HERC2: variants seen among roughly 807,000 people sequenced by gnomAD.
The protein encoded by HERC2 is HECT and RLD domain containing E3 ubiquitin protein ligase 2.
HERC2 carries 102 observed loss-of-function variants against 537.7 expected under a neutral mutation model. That is an observed-to-expected ratio of 0.19 (90% CI 0.16 to 0.22). The LOEUF (loss-of-function observed/expected upper bound fraction) is 0.22. Ranked by LOEUF, HERC2 falls within the 10% of genes least tolerant of loss-of-function variation. The probability of loss-of-function intolerance (pLI) is 1.00; values close to 1 mark genes in which losing one functional copy is unlikely to be tolerated. For synonymous variants in HERC2, 2,224 were observed against 2,466.2 expected (o/e 0.90, Z 2.91); for missense variants, 4,236 against 6,198.2 (o/e 0.68, Z 10.63).
At chr15:28,183,663 T>A (rs1012435341) in intron 56 of HERC2, among the ~76,000 whole-genome samples, 4 of 152,238 alleles carry the variant, frequency 2.6e-5, no homozygotes, top group African/African-American at 9.6e-5. Context: ...CACCTTTGTG[T>A]TTGCTTTTGC....
chr15:28,226,530 T>TA (rs1467037540), intron 35 of HERC2, among the ~76,000 whole-genome samples: 1 of 152,180 alleles, frequency 6.6e-6, no homozygotes, highest in Non-Finnish European at 1.5e-5. Flanking sequence ...CAACAAGTGG[T>TA]ATTGAAACAA....
rs569661482 is a variant in HERC2, at chr15:28,113,343, C to T, written c.14020-60G>A. The T allele has an allele frequency of 2.8e-5, 43 of 1,515,326 alleles. No homozygotes were observed. In the East Asian group the frequency reaches 6.9e-4, roughly 24 times the overall value. The allele number at this position is 1,515,326 out of a possible 1,614,324, so 93.9% of individuals were successfully genotyped here. ...TTCCCACCCTGGCATTTCCGCAAGA[C>T]TCCGTCACGCTCCCTCTCTACACCA... On this transcript the variant is annotated intron_variant, in intron 91 of 92. Transcript: ENST00000261609. The surrounding 1 kb of genome is among the most constrained non-coding windows in gnomAD (Gnocchi z 7.0).
At chr15:28,289,324 C>A (rs2076247669) in intron 4 of HERC2, among the ~76,000 whole-genome samples, 1 of 152,016 alleles carries the variant, frequency 6.6e-6, no homozygotes, top group Admixed American at 6.5e-5. Flanking sequence ...GGTGACTTCA[C>A]AACAAAGAAT....
At chr15:28,134,463 T>C (rs1890411263) in intron 79 of HERC2, among the ~76,000 whole-genome samples, 1 of 152,228 alleles carries the variant, frequency 6.6e-6, no homozygotes, top group South Asian at 2.1e-4. Flanking sequence ...TTCTTTGCAC[T>C]GCTGTACCGC....
At chr15:28,279,718 C>T (rs1254724078) in intron 5 of HERC2, among the ~76,000 whole-genome samples, 1 of 151,836 alleles carries the variant, frequency 6.6e-6, no homozygotes, top group African/African-American at 2.4e-5. Flanking sequence ...GTGGCTGAGG[C>T]GGGAGGATCA....
At chr15:28,194,426 C>T (rs1255922481) in intron 52 of HERC2, among the ~76,000 whole-genome samples, 5 of 149,924 alleles carry the variant, frequency 3.3e-5, no homozygotes, top group Non-Finnish European at 5.9e-5. Flanking sequence ...AAAAATTAGC[C>T]GGGCGTGGTG....
intron 81 of HERC2, among the ~76,000 whole-genome samples, chr15:28,131,433 C>T (rs1890095834): frequency 1.3e-5 from 2 of 152,206 alleles, no homozygotes; most frequent in Admixed American, 1.3e-4. Context: ...TCCCAAGTAC[C>T]CAGCAGAGCA....
At position 28,141,628 on chromosome 15, in the gene HERC2, C is replaced by A; in HGVS notation, c.11819G>T (p.Arg3940Leu). ...AGCAGAGAGAGTCCAGTCATCTGGT[C>A]GCCTACAATACACATCAAGTGAGCA... ...DEQLVQWMNR[R>L]PDDWTLSAGG... Residue 3940 changes from arginine (R) to leucine (L), a missense_variant and splice_region_variant, in exon 78 of 93, where the codon CGA becomes CTA. Physicochemically the swap from Arg to Leu is moderately radical, Grantham distance 102. This residue lies in a region of HERC2 where 156 missense variants were observed against 172.3 expected (regional missense o/e 0.91). Transcript: ENST00000261609. 6.2e-7 allele frequency: 1 copy of A among 1,614,140 alleles called. No individual in the cohort carries two copies.
chr15:28,156,912 G>T (rs1596077868), intron 69 of HERC2, among the ~76,000 whole-genome samples: 1 of 152,276 alleles, frequency 6.6e-6, no homozygotes, highest in African/African-American at 2.4e-5. Context: ...TCATTATTTT[G>T]AGATACATCC....
At chr15:28,246,252 T>G (rs908016583) in intron 22 of HERC2, among the ~76,000 whole-genome samples, 186 bp from the exon 23 acceptor site, 6 of 152,154 alleles carry the variant, frequency 3.9e-5, no homozygotes, top group South Asian at 2.1e-4. Context: ...ACCCTTTAAA[T>G]TACAAAAATA....
intron 2 of HERC2, among the ~76,000 whole-genome samples, chr15:28,317,434 C>A (rs2077119295): frequency 6.6e-6 from 1 of 152,238 alleles, no homozygotes; most frequent in African/African-American, 2.4e-5. Context: ...TAAGAGCTTA[C>A]ATTTATGCGT....
intron 35 of HERC2, among the ~76,000 whole-genome samples, chr15:28,225,928 A>G (rs1901103179): frequency 6.6e-6 from 1 of 152,216 alleles, no homozygotes; most frequent in Non-Finnish European, 1.5e-5. Flanking sequence ...ACCCGTAACA[A>G]GTAAAGAGAT....
In HERC2 at chr15:28,113,360, T is replaced by G. The variant is rs2142034071; in HGVS notation, c.14020-77A>C. 6.9e-7 allele frequency: 1 copy of G among 1,453,208 alleles called. No individual in the cohort carries two copies. The highest frequency in any genetic ancestry group is 1.8e-4 in the Middle Eastern group (1 of 5,704). 90.0% of individuals were successfully genotyped at this position (1,453,208 alleles called of 1,614,324 possible). A position where few individuals can be genotyped will look rare whatever the true frequency, so the allele number is the denominator to read the frequency against. Reference sequence around the variant, plus strand: ...CCGCAAGACTCCGTCACGCTCCCTCTCTACACCAAGGCCTGTTTGGGGTGG... The same window carrying G: ...CCGCAAGACTCCGTCACGCTCCCTCGCTACACCAAGGCCTGTTTGGGGTGG... On this transcript the variant is annotated intron_variant, in intron 91 of 92. Coordinates refer to ENST00000261609, the MANE Select transcript of HERC2 (RefSeq NM_004667.6). The surrounding 1 kb of genome is among the most constrained non-coding windows in gnomAD (Gnocchi z 7.0).
At chr15:28,112,088 T>C (rs942663198) in intron 92 of HERC2, 53 bp from the exon 93 acceptor site, 2 of 1,548,748 alleles carry the variant, frequency 1.3e-6, no homozygotes, top group Non-Finnish European at 1.8e-6. Context: ...TGCAGTTTAC[T>C]TTACTGTGCT....
chr15:28,301,608 G>A (rs1238778021), intron 2 of HERC2, among the ~76,000 whole-genome samples: 7 of 145,160 alleles, frequency 4.8e-5, no homozygotes, highest in Non-Finnish European at 6.0e-5. Flanking sequence ...TGAAAACTGC[G>A]TATGCGACAG....
rs769409786 is a variant in HERC2, at chr15:28,268,608, C to T, written c.1455G>A (p.Gln485=). The T allele has an allele frequency of 6.2e-7, 1 of 1,613,820 alleles. No homozygotes were observed. Among genetic ancestry groups the T allele is most frequent in the East Asian group, 2.2e-5 (1 of 44,874 alleles). ...QAYNSDTLAP[Q]LVQGLASRNI... is the part of the protein sequence containing the mutation. ...TTCTGGAGGCAAGGCCTTGGACCAG[C>T]TGTGGGGCCTAAAGAAGGAAAAATA... is the stretch of plus-strand genomic sequence containing the variant. The change falls in exon 12 of 93, where the codon CAG becomes CAA. Residue 485 remains glutamine (Q), a synonymous_variant. Coordinates refer to ENST00000261609, the MANE Select transcript of HERC2 (RefSeq NM_004667.6). The surrounding 1 kb of genome is among the most constrained non-coding windows in gnomAD (Gnocchi z 4.7).
intron 65 of HERC2, among the ~76,000 whole-genome samples, chr15:28,173,058 A>ACGT (rs1596121619): frequency 2.0e-5 from 3 of 152,240 alleles, no homozygotes; most frequent in Admixed American, 2.0e-4. Flanking sequence ...ATACCACCAT[A>ACGT]CGTCTATCAG....
In HERC2 at chr15:28,254,441, T is replaced by C. The variant is rs2075188642; in HGVS notation, c.2949A>G (p.Arg983=). 1 of 1,608,160 alleles carries C rather than the reference T, an allele frequency of 6.2e-7. No individual in the cohort carries two copies. Residue 983 remains arginine, a synonymous_variant, in exon 20 of 93, where the codon AGA becomes AGG. Transcript: ENST00000261609. ...EQEANASTFH[R]SRTPLDKDLI... ...GGTCTTTATCCAGTGGAGTCCTGCT[T>C]CTATGAAATGTTGAGGCATTCGCTT...
chr15:28,141,075 TAAAAATAC>T (rs1358999774), intron 78 of HERC2, among the ~76,000 whole-genome samples: 1 of 151,710 alleles, frequency 6.6e-6, no homozygotes, highest in African/African-American at 2.4e-5. Context: ...CTGTCTCTAC[TAAAAATAC>T]AAAAGTTAGC....
Sources: allele counts gnomAD v4.1 joint callset (sites outside exome capture counted in the v4.1 genomes callset), GRCh38; gene constraint gnomAD v4.1.1; regional missense constraint gnomAD v4.1.1; non-coding constraint Gnocchi (gnomAD v3.1); transcripts MANE v1.5; gene names NCBI Gene and HGNC (gene_info 2026-07-23, HGNC 2026-07-21).